TCEA3: variants seen among roughly 807,000 people sequenced by gnomAD.
TCEA3 encodes the protein transcription elongation factor A3, also known as transcription elongation factor A protein 3.
TCEA3 carries 36 observed loss-of-function variants against 44.0 expected under a neutral mutation model. The ratio of observed to expected loss-of-function variants is 0.82; its 90% CI spans 0.63 to 1.08. The LOEUF is 1.08. Among genes scored for constraint, TCEA3 ranks in the 50% least tolerant of loss-of-function variants. The probability of loss-of-function intolerance (pLI) is 0.00; values close to 1 mark genes in which losing one functional copy is unlikely to be tolerated. For missense variants in TCEA3, 392 were observed against 441.2 expected (o/e 0.89, Z 1.00); for synonymous variants, 162 against 159.7 (o/e 1.01, Z -0.11).
intron 7 of TCEA3, among the ~76,000 whole-genome samples, chr1:23,397,116 AC>A (rs1639239684): frequency 1.3e-5 from 2 of 152,018 alleles, no homozygotes; most frequent in African/African-American, 4.8e-5. Context: ...CCTGGAAGTA[AC>A]GACTTGGCCA....
intron 1 of TCEA3, 51 bp from the exon 2 acceptor site, chr1:23,419,190 C>A: frequency 7.0e-7 from 1 of 1,426,884 alleles, no homozygotes; most frequent in Middle Eastern, 1.8e-4. Flanking sequence ...GACCAGGCTT[C>A]TCTGACTATT....
In TCEA3 at chr1:23,420,936, G is replaced by A. The variant is rs182108405; in HGVS notation, c.70-1797C>T. Among the ~76,000 whole-genome samples the A allele has an allele frequency of 3.0e-3, 452 of 152,190 alleles. 1 individual carries two copies. Among genetic ancestry groups the A allele is most frequent in the Non-Finnish European group, 3.0e-3 (207 of 68,020 alleles). Reference sequence around the variant, plus strand: ...AGTTCCCTGGGGAGCACCAGGGGACGGTGTCCTGTATGTTCCTATCCTTGG... The same window carrying A: ...AGTTCCCTGGGGAGCACCAGGGGACAGTGTCCTGTATGTTCCTATCCTTGG... On this transcript the variant is annotated intron_variant, in intron 1 of 10. Transcript: ENST00000450454.
At position 23,393,950 on chromosome 1, in the gene TCEA3, T is replaced by C; in HGVS notation, c.748A>G (p.Asn250Asp). ...SRISNLKDPR[N>D]PGLRRNVLSG... ...AGCACGTTCCGCCGCAGGCCGGGGTTCCTGGGGTCCTTGAGGTTGCTTATG... is the reference window on the plus strand; with the variant it reads ...AGCACGTTCCGCCGCAGGCCGGGGTCCCTGGGGTCCTTGAGGTTGCTTATG... The change falls in exon 8 of 11, where the codon AAC becomes GAC. Residue 250 changes from asparagine (N) to aspartate (D), a missense_variant. Physicochemically the swap from Asn to Asp is conservative, Grantham distance 23. Transcript: ENST00000450454. 6.2e-7 allele frequency: 1 copy of C among 1,614,016 alleles called. No homozygotes were observed. Among genetic ancestry groups the C allele is most frequent in the Non-Finnish European group, 8.5e-7 (1 of 1,179,898 alleles).
chr1:23,418,067 A>T, intron 2 of TCEA3, 58 bp from the exon 3 acceptor site: 1 of 1,551,074 alleles, frequency 6.4e-7, no homozygotes, highest in Non-Finnish European at 8.9e-7. Context: ...AATGGCTGCC[A>T]TCATTGGCAG....
At chr1:23,399,126 T>TTA (rs1558042502) in intron 5 of TCEA3, among the ~76,000 whole-genome samples, 1 of 73,382 alleles carries the variant, frequency 1.4e-5, no homozygotes, top group African/African-American at 4.0e-5. Flanking sequence ...CAGGTTTTGT[T>TTA]TATATATATG....
intron 5 of TCEA3, among the ~76,000 whole-genome samples, chr1:23,401,569 C>T (rs577939100): frequency 3.9e-5 from 6 of 152,254 alleles, no homozygotes; most frequent in Admixed American, 6.5e-5. Flanking sequence ...GCATCCAAAA[C>T]GGATGTTCCT....
At chr1:23,382,846 G>C (rs1454789200) in intron 10 of TCEA3, among the ~76,000 whole-genome samples, 1 of 152,228 alleles carries the variant, frequency 6.6e-6, no homozygotes, top group Non-Finnish European at 1.5e-5. Context: ...CTCTAAACCA[G>C]TAGGCCACTA....
intron 5 of TCEA3, 133 bp downstream of exon 5, chr1:23,408,531 T>C: frequency 1.1e-6 from 1 of 885,214 alleles, no homozygotes; most frequent in Non-Finnish European, 1.7e-6. Flanking sequence ...GGTCTTAGAA[T>C]ACGGGGGCAA....
chr1:23,397,598 T>A lies in TCEA3; in HGVS notation c.611A>T (p.Asp204Val). 1 of 1,613,826 alleles carries A rather than the reference T, an allele frequency of 6.2e-7. No individual in the cohort carries two copies. The highest frequency in any genetic ancestry group is 8.5e-7 in the Non-Finnish European group (1 of 1,179,820). Residue 204 changes from aspartate (D) to valine (V), a missense_variant, in exon 7 of 11, where the codon GAT becomes GTT. Coordinates refer to ENST00000450454, the MANE Select transcript of TCEA3 (RefSeq NM_003196.3). ...MLSAALKADD[D>V]YKDYGVNCDK... is the part of the protein sequence containing the mutation. ...ACAGTTGACTCCATAGTCCTTGTAA[T>A]CATCTAAAAGAGATTCGAGAAATAC...
At chr1:23,384,993 C>T (rs1171001475) in intron 9 of TCEA3, among the ~76,000 whole-genome samples, 1 of 152,116 alleles carries the variant, frequency 6.6e-6, no homozygotes, top group East Asian at 1.9e-4. Flanking sequence ...GCAGGCTTAG[C>T]GGTCTAGTTC....
In TCEA3 at chr1:23,417,990, G is replaced by A; in HGVS notation, c.152C>T (p.Ala51Val). The A allele has an allele frequency of 1.9e-6, 3 of 1,614,050 alleles. No homozygotes were observed. Among genetic ancestry groups the A allele is most frequent in the Non-Finnish European group, 2.5e-6 (3 of 1,179,888 alleles). Residue 51 changes from alanine to valine, a missense_variant, in exon 3 of 11, where the codon GCT becomes GTT. Transcript: ENST00000450454. ...QLLQTTRIGVAVNGVRKHCSD... is the reference protein window; with the variant it reads ...QLLQTTRIGVVVNGVRKHCSD... ...GCAGTGCTTGCGGACCCCATTAACA[G>A]CAACTCCAATCCTGGTTGTCTGCAA...
At chr1:23,407,440 T>C (rs1253828558) in intron 5 of TCEA3, among the ~76,000 whole-genome samples, 8 of 151,756 alleles carry the variant, frequency 5.3e-5, no homozygotes, top group Non-Finnish European at 7.4e-5. Flanking sequence ...CTTTACTCAT[T>C]CCCCCAACCC....
At chr1:23,410,445 A>G (rs551175577) in intron 4 of TCEA3, among the ~76,000 whole-genome samples, 6 of 152,252 alleles carry the variant, frequency 3.9e-5, no homozygotes, top group African/African-American at 1.4e-4. Context: ...ATAAATAAAA[A>G]GGTGACATAT....
intron 8 of TCEA3, among the ~76,000 whole-genome samples, chr1:23,388,854 T>C (rs1333719856): frequency 1.3e-5 from 2 of 152,044 alleles, no homozygotes; most frequent in African/African-American, 4.8e-5. Flanking sequence ...TGGTTAATTA[T>C]TTTTTGTATA....
intron 1 of TCEA3, among the ~76,000 whole-genome samples, chr1:23,420,376 G>A (rs932158075): frequency 1.3e-5 from 2 of 152,134 alleles, no homozygotes; most frequent in African/African-American, 4.8e-5. Context: ...CGAATAGCTG[G>A]GACCACAGGT....
At chr1:23,421,873 T>G (rs1640074959) in intron 1 of TCEA3, among the ~76,000 whole-genome samples, 1 of 152,234 alleles carries the variant, frequency 6.6e-6, no homozygotes, top group Admixed American at 6.5e-5. Context: ...TTAAGCCAGT[T>G]CCAGCTCTCC....
chr1:23,408,025 G>A (rs561336072), intron 5 of TCEA3, among the ~76,000 whole-genome samples: 1 of 151,890 alleles, frequency 6.6e-6, no homozygotes, highest in African/African-American at 2.4e-5. Context: ...GCAGTGGCGC[G>A]ATCTCGGCTC....
intron 1 of TCEA3, among the ~76,000 whole-genome samples, chr1:23,421,627 A>G (rs1415881810): frequency 1.3e-5 from 2 of 152,246 alleles, no homozygotes; most frequent in Non-Finnish European, 2.9e-5. Flanking sequence ...GGAGACGTAC[A>G]CTACCATACC....
At chr1:23,400,680 A>C (rs1639373006) in intron 5 of TCEA3, among the ~76,000 whole-genome samples, 1 of 152,136 alleles carries the variant, frequency 6.6e-6, no homozygotes, top group Non-Finnish European at 1.5e-5. Flanking sequence ...TCTGTTGAGA[A>C]AAAAGTGGAC....
Sources: gnomAD v4.1 joint callset for allele counts (sites outside exome capture counted in the v4.1 genomes callset) on GRCh38, gnomAD v4.1.1 for gene constraint, MANE v1.5 for transcripts, NCBI Gene and HGNC (gene_info 2026-07-23, HGNC 2026-07-21) for gene names.